The following LOC112694756 variants were observed in gnomAD, a reference collection of about 807,000 sequenced individuals.
the LOC112694756 span, chr16:30,064,681 G>C: frequency 2.6e-6 from 1 of 389,062 alleles, no homozygotes; most frequent in South Asian, 1.4e-4. Context: ...GAGAAGATCG[G>C]GGACACATGT....
the LOC112694756 span, chr16:30,068,457 G>C: frequency 5.3e-5 from 36 of 685,668 alleles, no homozygotes; most frequent in South Asian, 5.5e-4. Context: ...GGGAAGACTG[G>C]GGCTAAAGAA....
the LOC112694756 span, chr16:30,055,310 C>T: frequency 2.5e-6 from 1 of 399,296 alleles, no homozygotes; most frequent in Non-Finnish European, 4.4e-6. Flanking sequence ...TGCTTGCTGC[C>T]CCCAGCCCAC....
the LOC112694756 span, chr16:30,069,401 C>A: frequency 6.2e-7 from 1 of 1,614,138 alleles, no homozygotes; most frequent in Non-Finnish European, 8.5e-7. Context: ...TAAATGGCTA[C>A]CTGCCTGACC....
At chr16:30,059,219 C>G in the LOC112694756 span, among the ~76,000 whole-genome samples, 1 of 151,990 alleles carries the variant, frequency 6.6e-6, no homozygotes, top group Non-Finnish European at 1.5e-5. Flanking sequence ...TCTTTCAGGC[C>G]GGGTGCGGTG....
At chr16:30,067,894 C>T in the LOC112694756 span, 9 of 590,154 alleles carry the variant, frequency 1.5e-5, no homozygotes, top group East Asian at 2.7e-4. Context: ...GTGTTTTGCT[C>T]AGAGTAAGTG....
At chr16:30,054,012 A>G in the LOC112694756 span, among the ~76,000 whole-genome samples, 1 of 148,936 alleles carries the variant, frequency 6.7e-6, no homozygotes, top group Non-Finnish European at 1.5e-5. Flanking sequence ...TGGGTGACAG[A>G]GTGAGACACT....
At chr16:30,059,436 T>G in the LOC112694756 span, among the ~76,000 whole-genome samples, 1 of 151,676 alleles carries the variant, frequency 6.6e-6, no homozygotes, top group African/African-American at 2.4e-5. Flanking sequence ...GAGGCGGACC[T>G]TGCAGTGAGC....
the LOC112694756 span, among the ~76,000 whole-genome samples, chr16:30,056,439 G>C: frequency 6.6e-6 from 1 of 152,116 alleles, no homozygotes; most frequent in Non-Finnish European, 1.5e-5. Flanking sequence ...TACATGGAAA[G>C]TACCAATCAC....
At chr16:30,067,282 C>A in the LOC112694756 span, 1 of 1,612,576 alleles carries the variant, frequency 6.2e-7, no homozygotes, top group South Asian at 1.1e-5. Flanking sequence ...AGCACTGACC[C>A]CGGAGCAGAA....
the LOC112694756 span, among the ~76,000 whole-genome samples, chr16:30,063,251 C>CA: frequency 1.3e-5 from 2 of 152,094 alleles, no homozygotes; most frequent in Non-Finnish European, 2.9e-5. Flanking sequence ...AGTAGATGCT[C>CA]AAAAATGGTG....
the LOC112694756 span, among the ~76,000 whole-genome samples, chr16:30,057,261 G>A: frequency 0.012 from 1,762 of 152,244 alleles, 31 homozygotes; most frequent in African/African-American, 0.04. Context: ...ATCCATGCCT[G>A]TATGTGTAGA....
chr16:30,056,479 G>A, the LOC112694756 span, among the ~76,000 whole-genome samples: 2 of 152,116 alleles, frequency 1.3e-5, no homozygotes, highest in African/African-American at 4.8e-5. Context: ...TCCCAAAGTT[G>A]CTGTGTTTTA....
the LOC112694756 span, chr16:30,064,102 A>C: frequency 7.5e-6 from 3 of 399,280 alleles, no homozygotes; most frequent in African/African-American, 6.2e-5. Context: ...TCCCCTCCAC[A>C]CGTCAACGAT....
the LOC112694756 span, chr16:30,066,280 G>C: frequency 3.3e-5 from 5 of 152,484 alleles, no homozygotes; most frequent in East Asian, 7.7e-4. Flanking sequence ...CAGGGTTCTC[G>C]CAAGTGGGAG....
At chr16:30,064,015 G>A in the LOC112694756 span, 1 of 398,700 alleles carries the variant, frequency 2.5e-6, no homozygotes, top group Non-Finnish European at 4.4e-6. Flanking sequence ...CAGGACTCTT[G>A]GCCGGCTGGA....
At chr16:30,069,442 G>A in the LOC112694756 span, 2 of 1,613,974 alleles carry the variant, frequency 1.2e-6, no homozygotes, top group Non-Finnish European at 1.7e-6. Context: ...GGACCCTGGG[G>A]CTAACCCCTA....
the LOC112694756 span, among the ~76,000 whole-genome samples, chr16:30,056,501 C>T: frequency 5.5e-4 from 84 of 152,314 alleles, no homozygotes; most frequent in East Asian, 0.014. Flanking sequence ...ATGTATCTCT[C>T]ATATACTAAT....
the LOC112694756 span, among the ~76,000 whole-genome samples, chr16:30,057,781 C>G: frequency 3.3e-5 from 5 of 151,970 alleles, no homozygotes; most frequent in African/African-American, 4.8e-5. Flanking sequence ...TCTGAAAACT[C>G]CTGTCTTGGC....
the LOC112694756 span, among the ~76,000 whole-genome samples, chr16:30,061,175 G>T: frequency 6.6e-6 from 1 of 152,256 alleles, no homozygotes; most frequent in Non-Finnish European, 1.5e-5. Context: ...GGGGAGGACA[G>T]CAGTGCACTG....
Sources: gnomAD v4.1 joint callset for allele counts (sites outside exome capture counted in the v4.1 genomes callset) on GRCh38, gnomAD v4.1.1 for gene constraint, MANE v1.5 for transcripts.